WASHC5: variants seen among roughly 807,000 people sequenced by gnomAD.
WASHC5 encodes the protein WASH complex subunit strumpellin.
Under a neutral mutation model 150.4 loss-of-function variants are expected in WASHC5, and 101 were observed. The observed-to-expected ratio is 0.67, with a 90% CI of 0.57 to 0.79. WASHC5 has a LOEUF of 0.79. Ranked by LOEUF, WASHC5 falls within the 30% of genes least tolerant of loss-of-function variation. The pLI is 0.00. For missense variants in WASHC5, 1,195 were observed against 1,396.3 expected (o/e 0.86, Z 2.30); for synonymous variants, 467 against 491.2 (o/e 0.95, Z 0.65).
intron 25 of WASHC5, among the ~76,000 whole-genome samples, chr8:125,038,514 G>C (rs1297165584): frequency 6.6e-6 from 1 of 152,222 alleles, no homozygotes; most frequent in Non-Finnish European, 1.5e-5. Context: ...ACAGATCAAT[G>C]CTACCATTTT....
chr8:125,074,521 A>G (rs1816994034), intron 8 of WASHC5, among the ~76,000 whole-genome samples: 1 of 152,212 alleles, frequency 6.6e-6, no homozygotes, highest in South Asian at 2.1e-4. Context: ...GAGATAGAAT[A>G]TAACCGTTTA....
Position 125,083,911 on chromosome 8 carries a change from C to T in WASHC5, c.-13G>A, listed in dbSNP as rs769620544. The T allele has an allele frequency of 1.2e-5, 20 of 1,612,024 alleles. No homozygotes were observed. The highest frequency in any genetic ancestry group is 6.6e-5 in the South Asian group (6 of 90,756). On this transcript the variant is annotated 5_prime_UTR_variant, in exon 2 of 29. Transcript: ENST00000318410. ...GAAAGTCCAACATTGTGAGGCGGAC[C>T]GACTACTCTGTGCCTGGACACTGGG...
chr8:125,035,163 A>G (rs954498452), intron 26 of WASHC5, among the ~76,000 whole-genome samples: 11 of 152,230 alleles, frequency 7.2e-5, no homozygotes, highest in Non-Finnish European at 1.3e-4. Flanking sequence ...TAGTTCCTGC[A>G]TTAACACATC....
In WASHC5 at chr8:125,083,734, T is replaced by C; in HGVS notation, c.165A>G (p.Ile55Met). 6.2e-7 allele frequency: 1 copy of C among 1,612,818 alleles called. No homozygotes were observed. The highest frequency in any genetic ancestry group is 8.5e-7 in the Non-Finnish European group (1 of 1,178,990). Residue 55 changes from isoleucine (I) to methionine (M), a missense_variant, in exon 2 of 29, where the codon ATA becomes ATG. Ile to Met is a conservative substitution (Grantham distance 10, BLOSUM62 1). Around this residue, in one of 3 missense-constraint regions of WASHC5, gnomAD observed 195 missense variants for 206.9 expected, o/e 0.94. Transcript: ENST00000318410. ...RADQQKYGDI[I>M]FDFSYFKGPE... ...TTACCTTAAAATAGCTGAAATCAAA[T>C]ATGATATCTCCATATTTCTGTTGAT...
chr8:125,078,358 A>G (rs1246554204), intron 6 of WASHC5, among the ~76,000 whole-genome samples: 1 of 152,040 alleles, frequency 6.6e-6, no homozygotes, highest in East Asian at 1.9e-4. Flanking sequence ...CTTTACTATA[A>G]TCCTGTCATC....
intron 19 of WASHC5, 52 bp downstream of exon 19, chr8:125,048,954 T>C (rs1816155523): frequency 1.4e-6 from 2 of 1,448,344 alleles, no homozygotes; most frequent in Non-Finnish European, 1.9e-6. Context: ...ATGTGTACTC[T>C]AAACATGAGA....
At chr8:125,024,849 G>A (rs1438054563) in intron 28 of WASHC5, among the ~76,000 whole-genome samples, 176 bp from the exon 29 acceptor site, 2 of 151,900 alleles carry the variant, frequency 1.3e-5, no homozygotes, top group Middle Eastern at 3.4e-3. Flanking sequence ...CTAGACTAGC[G>A]TCTCATTTCT....
At chr8:125,079,252 C>T (rs28489728) in intron 5 of WASHC5, among the ~76,000 whole-genome samples, 3,530 of 123,868 alleles carry the variant, frequency 0.028, 150 homozygotes, top group African/African-American at 0.11. Context: ...AGTGCAGTGG[C>T]GTGATCTCAG....
chr8:125,068,672 A>C (rs1816818197), intron 9 of WASHC5, among the ~76,000 whole-genome samples: 1 of 152,162 alleles, frequency 6.6e-6, no homozygotes, highest in South Asian at 2.1e-4. Flanking sequence ...CACAAAGATG[A>C]GGGACCCCCA....
intron 26 of WASHC5, among the ~76,000 whole-genome samples, chr8:125,035,698 T>C (rs1407793736): frequency 2.0e-5 from 3 of 152,238 alleles, no homozygotes; most frequent in African/African-American, 7.2e-5. Context: ...CTGCCTTCTG[T>C]GACAATCACA....
intron 20 of WASHC5, among the ~76,000 whole-genome samples, chr8:125,046,713 T>TA (rs1358013259): frequency 1.3e-5 from 2 of 151,962 alleles, no homozygotes; most frequent in Non-Finnish European, 2.9e-5. Context: ...CATAGATAAG[T>TA]GTTCAATAAA....
chr8:125,044,857 A>G, intron 20 of WASHC5, 159 bp from the exon 21 acceptor site: 1 of 755,006 alleles, frequency 1.3e-6, no homozygotes, highest in Admixed American at 1.9e-5. Context: ...GCGTCTTCCC[A>G]GTGACACCCA....
At chr8:125,029,233 A>G (rs1405179462) in intron 27 of WASHC5, among the ~76,000 whole-genome samples, 1 of 152,054 alleles carries the variant, frequency 6.6e-6, no homozygotes, top group Non-Finnish European at 1.5e-5. Context: ...GGGTTTCACC[A>G]TGTTGGCCAG....
chr8:125,028,140 T>G (rs1815423143), intron 28 of WASHC5, among the ~76,000 whole-genome samples: 1 of 152,258 alleles, frequency 6.6e-6, no homozygotes, highest in African/African-American at 2.4e-5. Flanking sequence ...AAAGTGGAAT[T>G]ACTAATGAGA....
In WASHC5 at chr8:125,076,401, T is replaced by C. The variant is rs1817061095; in HGVS notation, c.811A>G (p.Thr271Ala). ...ILYFEPSILH[T>A]HQAKMREIVD... ...ATCTCTCTCATTTTTGCTTGATGGG[T>C]GTGAAGGATGGAAGGCTCAAAGTAG... The change falls in exon 7 of 29, where the codon ACC becomes GCC. Residue 271 changes from threonine to alanine, a missense_variant. Thr to Ala is a moderately conservative substitution (Grantham distance 58). Transcript: ENST00000318410. 3 of 1,613,782 alleles carry C rather than the reference T, an allele frequency of 1.9e-6. No individual in the cohort carries two copies. The highest frequency in any genetic ancestry group is 2.5e-6 in the Non-Finnish European group (3 of 1,179,904).
chr8:125,055,241 T>C (rs1816371210), intron 17 of WASHC5, among the ~76,000 whole-genome samples: 1 of 152,076 alleles, frequency 6.6e-6, no homozygotes, highest in Non-Finnish European at 1.5e-5. Context: ...CTGGCCAACA[T>C]GGTGAAACTC....
At chr8:125,034,608 C>G (rs1815644337) in intron 26 of WASHC5, among the ~76,000 whole-genome samples, 1 of 152,146 alleles carries the variant, frequency 6.6e-6, no homozygotes, top group Admixed American at 6.5e-5. Context: ...GTAACTGGCA[C>G]AACCACTTTG....
chr8:125,068,414 A>G (rs1816810064), intron 9 of WASHC5, among the ~76,000 whole-genome samples: 1 of 152,168 alleles, frequency 6.6e-6, no homozygotes, highest in South Asian at 2.1e-4. Context: ...GTCATGACTC[A>G]CTGCTGGGGG....
At chr8:125,088,415 A>C (rs1817485040) in intron 1 of WASHC5, among the ~76,000 whole-genome samples, 1 of 144,122 alleles carries the variant, frequency 6.9e-6, no homozygotes, top group African/African-American at 2.6e-5. Context: ...ACAGAGTGAG[A>C]CTTCATCTCA....
Sources: gnomAD v4.1 joint callset for allele counts (sites outside exome capture counted in the v4.1 genomes callset) on GRCh38, gnomAD v4.1.1 for gene constraint, gnomAD v4.1.1 regional missense constraint, MANE v1.5 for transcripts, NCBI Gene and HGNC (gene_info 2026-07-23, HGNC 2026-07-21) for gene names.